ZNHIT6: variants seen among roughly 807,000 people sequenced by gnomAD.
The protein encoded by ZNHIT6 is box C/D snoRNA protein 1.
In ZNHIT6, 45 loss-of-function variants were observed where a neutral mutation model predicts 57.2. That is an observed-to-expected ratio of 0.79 (90% CI 0.62 to 1.01). The LOEUF (loss-of-function observed/expected upper bound fraction) is 1.01. Ranked by LOEUF, ZNHIT6 falls within the 50% of genes least tolerant of loss-of-function variation. ZNHIT6 has a pLI of 0.00. For synonymous variants in ZNHIT6, 188 were observed against 190.0 expected, an observed-to-expected ratio of 0.99 and a Z score of 0.09; for missense variants, 528 against 567.3, an observed-to-expected ratio of 0.93 and a Z score of 0.70.
chr1:85,662,803 T>G (rs1459603051), intron 8 of ZNHIT6, among the ~76,000 whole-genome samples: 1 of 152,192 alleles, frequency 6.6e-6, no homozygotes, highest in Non-Finnish European at 1.5e-5. Context: ...TACAGACATA[T>G]GTCTTAATTC....
At chr1:85,698,967 G>C (rs952639626) in intron 5 of ZNHIT6, among the ~76,000 whole-genome samples, 8 of 151,898 alleles carry the variant, frequency 5.3e-5, no homozygotes, top group Admixed American at 5.2e-4. Context: ...TACTTTAGTT[G>C]GTATTAAAAT....
In ZNHIT6 at chr1:85,677,239, A is replaced by T. The variant is rs773390261; in HGVS notation, c.1244T>A (p.Val415Glu). Residue 415 changes from valine (V) to glutamate (E), a missense_variant, in exon 8 of 10, where the codon GTA becomes GAA. By Grantham distance (121) the Val-to-Glu change is moderately radical (BLOSUM62 -2). Transcript: ENST00000370574. Reference protein sequence around the residue: ...MKIEYMQQNLVRYYELDPYKS... With the variant: ...MKIEYMQQNLERYYELDPYKS... The stretch of plus-strand genomic sequence containing the variant: ...ATGGGGAGGGGAGCAATTTTACCTT[A>T]CTAAATTTTGCTGCATATATTCAAT... 4 of 1,600,998 alleles carry T rather than the reference A, an allele frequency of 2.5e-6. No individual in the cohort carries two copies. The highest frequency in any genetic ancestry group is 2.2e-5 in the East Asian group (1 of 44,502).
intron 8 of ZNHIT6, among the ~76,000 whole-genome samples, chr1:85,675,678 C>A (rs1009209091): frequency 2.0e-5 from 3 of 152,166 alleles, no homozygotes; most frequent in African/African-American, 7.2e-5. Context: ...CTAGCTAAGT[C>A]CTACATGCCA....
At chr1:85,654,415 C>T (rs1454180398) in intron 9 of ZNHIT6, among the ~76,000 whole-genome samples, 1 of 152,168 alleles carries the variant, frequency 6.6e-6, no homozygotes, top group East Asian at 1.9e-4. Context: ...CCTGGCCAGC[C>T]ACTTGTGGTT....
At chr1:85,660,203 G>A (rs1182094617) in intron 8 of ZNHIT6, among the ~76,000 whole-genome samples, 1 of 151,934 alleles carries the variant, frequency 6.6e-6, no homozygotes, top group Non-Finnish European at 1.5e-5. Context: ...AATATAAAAT[G>A]GTGATAACTA....
intron 9 of ZNHIT6, among the ~76,000 whole-genome samples, chr1:85,654,983 T>C (rs1024004128): frequency 6.6e-6 from 1 of 152,274 alleles, no homozygotes; most frequent in Non-Finnish European, 1.5e-5. Context: ...CTGCCTCATA[T>C]TCCAACTGAC....
intron 5 of ZNHIT6, among the ~76,000 whole-genome samples, chr1:85,694,753 G>A (rs923364360): frequency 4.6e-5 from 7 of 152,074 alleles, no homozygotes; most frequent in African/African-American, 1.7e-4. Context: ...AGCCACCACG[G>A]CTGGCCTCAA....
chr1:85,688,071 G>T (rs984605894), intron 5 of ZNHIT6, among the ~76,000 whole-genome samples: 1 of 151,876 alleles, frequency 6.6e-6, no homozygotes, highest in South Asian at 2.1e-4. Context: ...ATGTCTACAG[G>T]TTATAAAAAA....
chr1:85,680,842 T>C lies in ZNHIT6; in HGVS notation c.1082A>G (p.Glu361Gly). The C allele has an allele frequency of 6.2e-7, 1 of 1,611,056 alleles. No homozygotes were observed. Among genetic ancestry groups the C allele is most frequent in the South Asian group, 1.1e-5 (1 of 90,204 alleles). Reference protein sequence around the residue: ...QFPQSQAEYIEKRVPDDKTIN... With the variant: ...QFPQSQAEYIGKRVPDDKTIN... The stretch of plus-strand genomic sequence containing the variant: ...TGAAAGATAGCAGTGATACCTTTTT[T>C]CTATGTACTCAGCTTGACTTTGAGG... Residue 361 changes from glutamate to glycine, a missense_variant, in exon 6 of 10, where the codon GAA (glutamate) becomes GGA (glycine). By Grantham distance (98) the Glu-to-Gly change is moderately conservative (BLOSUM62 -2). Coordinates refer to ENST00000370574, the MANE Select transcript of ZNHIT6 (RefSeq NM_017953.4).
At chr1:85,683,797 T>C (rs1403268406) in intron 5 of ZNHIT6, among the ~76,000 whole-genome samples, 1 of 152,142 alleles carries the variant, frequency 6.6e-6, no homozygotes, top group Non-Finnish European at 1.5e-5. Context: ...GAGCAGGGTT[T>C]CTCAATCTCA....
chr1:85,655,403 C>T (rs957020163), intron 9 of ZNHIT6, among the ~76,000 whole-genome samples: 1 of 152,100 alleles, frequency 6.6e-6, no homozygotes, highest in Admixed American at 6.6e-5. Context: ...AGCTGCTATG[C>T]CAGGTATTTT....
At chr1:85,659,431 C>A (rs1309631005) in intron 8 of ZNHIT6, among the ~76,000 whole-genome samples, 1 of 152,148 alleles carries the variant, frequency 6.6e-6, no homozygotes, top group Non-Finnish European at 1.5e-5. Context: ...CATTTTTATT[C>A]ATCTCTACCA....
intron 8 of ZNHIT6, among the ~76,000 whole-genome samples, chr1:85,675,860 TA>T (rs569006898): frequency 1.0e-3 from 159 of 152,264 alleles, no homozygotes; most frequent in African/African-American, 3.6e-3. Flanking sequence ...CTTCTTTCCT[TA>T]AACCCCATGA....
At chr1:85,658,679 G>A (rs943418979) in intron 8 of ZNHIT6, among the ~76,000 whole-genome samples, 14 of 151,796 alleles carry the variant, frequency 9.2e-5, no homozygotes, top group African/African-American at 1.9e-4. Flanking sequence ...TGAGACCAGC[G>A]TGACCAACAT....
At chr1:85,691,793 C>T (rs1662228061) in intron 5 of ZNHIT6, among the ~76,000 whole-genome samples, 1 of 151,902 alleles carries the variant, frequency 6.6e-6, no homozygotes, top group African/African-American at 2.4e-5. Flanking sequence ...GGCGGACGCA[C>T]AAGAATCATT....
At position 85,660,285 on chromosome 1, in the gene ZNHIT6, T is replaced by C. The variant is rs201326657; in HGVS notation, c.1248-2314A>G. ...TTTCAAGTGGCATCCTACAAGCACT[T>C]GGCAATAACTTATCTTCTGTGCATT... On this transcript the variant is annotated intron_variant, in intron 8 of 9. Transcript: ENST00000370574. 7.2e-5 allele frequency among the ~76,000 whole-genome samples: 11 copies of C among 152,194 alleles called. No individual in the cohort carries two copies. In the East Asian group the frequency reaches 2.1e-3, roughly 29 times the overall value.
chr1:85,679,955 C>T (rs556590989), intron 6 of ZNHIT6, among the ~76,000 whole-genome samples: 4 of 152,196 alleles, frequency 2.6e-5, no homozygotes, highest in Non-Finnish European at 5.9e-5. Flanking sequence ...CTTGTAATTC[C>T]GACATTTTGG....
intron 8 of ZNHIT6, among the ~76,000 whole-genome samples, chr1:85,661,454 T>C (rs918201080): frequency 3.3e-5 from 5 of 152,214 alleles, no homozygotes; most frequent in Admixed American, 2.0e-4. Flanking sequence ...ATATTTTTAT[T>C]TACCAAAAAT....
intron 1 of ZNHIT6, 102 bp downstream of exon 1, chr1:85,707,527 A>AT (rs1204627183): frequency 4.4e-6 from 6 of 1,355,974 alleles, no homozygotes; most frequent in Non-Finnish European, 9.9e-7. Context: ...ACTTGTGCTC[A>AT]TTTTTCATTA....
Sources: allele counts gnomAD v4.1 joint callset (sites outside exome capture counted in the v4.1 genomes callset), GRCh38; gene constraint gnomAD v4.1.1; transcripts MANE v1.5; gene names NCBI Gene and HGNC (gene_info 2026-07-23, HGNC 2026-07-21).